Variants in AGBL1 observed in about 807,000 individuals in gnomAD.
AGBL1 encodes the protein AGBL carboxypeptidase 1, also known as cytosolic carboxypeptidase 4.
In AGBL1, 130 loss-of-function variants were observed where a neutral mutation model predicts 118.9. The ratio of observed to expected loss-of-function variants is 1.09; its 90% CI spans 0.95 to 1.26. AGBL1 has a LOEUF of 1.26. Among genes scored for constraint, AGBL1 ranks in the 50% most tolerant of loss-of-function variants. The probability of loss-of-function intolerance (pLI) is 0.00; values close to 1 mark genes in which losing one functional copy is unlikely to be tolerated. For missense variants in AGBL1, 1,584 were observed against 1,298.1 expected (o/e 1.22, Z -3.38); for synonymous variants, 555 against 478.9 (o/e 1.16, Z -2.08).
intron 21 of AGBL1, among the ~76,000 whole-genome samples, chr15:86,663,559 G>A (rs1032437568): frequency 6.6e-6 from 1 of 152,114 alleles, no homozygotes; most frequent in African/African-American, 2.4e-5. Context: ...GGTCACAACA[G>A]CAAAGGGGAG....
At chr15:87,020,136 A>G (rs761941447) in intron 24 of AGBL1, among the ~76,000 whole-genome samples, 3 of 152,142 alleles carry the variant, frequency 2.0e-5, no homozygotes, top group African/African-American at 7.2e-5. Context: ...TACCAATCAA[A>G]AAAAGCCCAG....
chr15:86,788,415 C>G (rs1262526074), intron 22 of AGBL1, among the ~76,000 whole-genome samples: 1 of 152,158 alleles, frequency 6.6e-6, no homozygotes, highest in Admixed American at 6.6e-5. Context: ...TTAAAAGACT[C>G]ATCTCTAATG....
intron 22 of AGBL1, among the ~76,000 whole-genome samples, chr15:86,754,580 G>C (rs558264989): frequency 3.1e-4 from 47 of 152,146 alleles, no homozygotes; most frequent in Admixed American, 2.8e-3. Context: ...ATCCCTGACA[G>C]AGATTCCTGC....
chr15:86,092,868 G>C (rs994855962), intron 1 of AGBL1, among the ~76,000 whole-genome samples: 2 of 151,998 alleles, frequency 1.3e-5, no homozygotes, highest in African/African-American at 4.8e-5. Flanking sequence ...TCCAATAATG[G>C]CATTAATTCC....
chr15:86,431,661 T>C (rs979421385), intron 18 of AGBL1, among the ~76,000 whole-genome samples: 2 of 152,248 alleles, frequency 1.3e-5, no homozygotes, highest in African/African-American at 4.8e-5. Flanking sequence ...ATGCAATGTC[T>C]GGTAAGCCAA....
chr15:86,708,793 G>T (rs1352402719), intron 22 of AGBL1, among the ~76,000 whole-genome samples: 1 of 151,472 alleles, frequency 6.6e-6, no homozygotes, highest in East Asian at 1.9e-4. Context: ...ATCACCCTAG[G>T]CCAGGCCCTC....
intron 21 of AGBL1, among the ~76,000 whole-genome samples, chr15:86,557,216 A>T (rs1022460695): frequency 1.4e-4 from 21 of 152,190 alleles, no homozygotes; most frequent in Non-Finnish European, 1.0e-4. Flanking sequence ...GCCCAAAGCT[A>T]TTGAGGCTGT....
At chr15:86,548,665 A>ACG (rs71863781) in intron 20 of AGBL1, among the ~76,000 whole-genome samples, 2,296 of 45,940 alleles carry the variant, frequency 0.05, 56 homozygotes, top group African/African-American at 0.11. Flanking sequence ...ACATGCACGC[A>ACG]CACACACACA....
At chr15:86,453,379 T>TTTGTGC (rs757820382) in intron 18 of AGBL1, among the ~76,000 whole-genome samples, 1 of 152,170 alleles carries the variant, frequency 6.6e-6, no homozygotes, top group Non-Finnish European at 1.5e-5. Flanking sequence ...TCAAATCCAA[T>TTTGTGC]ACAGGCACAA....
intron 9 of AGBL1, among the ~76,000 whole-genome samples, chr15:86,259,574 C>A (rs1310309287): frequency 6.6e-6 from 1 of 152,208 alleles, no homozygotes; most frequent in Non-Finnish European, 1.5e-5. Flanking sequence ...TAGTAGCAGA[C>A]ATACAGGGAC....
intron 22 of AGBL1, among the ~76,000 whole-genome samples, chr15:86,808,195 C>T (rs1017059602): frequency 2.0e-5 from 3 of 152,048 alleles, no homozygotes. Context: ...AGCTTTTAAA[C>T]TGTGGTTGAC....
chr15:86,464,683 A>G (rs1055871021), intron 18 of AGBL1, among the ~76,000 whole-genome samples: 1 of 152,126 alleles, frequency 6.6e-6, no homozygotes, highest in Admixed American at 6.5e-5. Context: ...TCTTTTTTGC[A>G]TCTATTGAGA....
intron 18 of AGBL1, among the ~76,000 whole-genome samples, chr15:86,398,377 C>G (rs999425951): frequency 6.6e-6 from 1 of 152,082 alleles, no homozygotes; most frequent in Non-Finnish European, 1.5e-5. Flanking sequence ...AAAGCCGCCC[C>G]TTGCCATGGT....
chr15:86,370,397 C>T (rs182100076), intron 17 of AGBL1, among the ~76,000 whole-genome samples: 2,673 of 151,692 alleles, frequency 0.018, 30 homozygotes, highest in Non-Finnish European at 0.027. Flanking sequence ...CTCCACCTCC[C>T]GGGTTCAAGT....
At chr15:86,283,094 A>C (rs993879917) in intron 16 of AGBL1, among the ~76,000 whole-genome samples, 8 of 152,236 alleles carry the variant, frequency 5.3e-5, no homozygotes, top group African/African-American at 1.9e-4. Flanking sequence ...AAAGAAATAT[A>C]CTATTGTAAT....
chr15:86,175,660 A>G (rs1235354922), intron 5 of AGBL1, among the ~76,000 whole-genome samples: 4 of 152,096 alleles, frequency 2.6e-5, no homozygotes, highest in African/African-American at 4.8e-5. Flanking sequence ...TCTTAGCACC[A>G]CTTTTACTGT....
intron 17 of AGBL1, among the ~76,000 whole-genome samples, chr15:86,393,946 AG>A (rs2081325869): frequency 6.6e-6 from 1 of 152,164 alleles, no homozygotes; most frequent in South Asian, 2.1e-4. Flanking sequence ...CACAGTAAAA[AG>A]AAAGTCATCT....
chr15:86,582,081 C>T (rs1313012905), intron 21 of AGBL1, among the ~76,000 whole-genome samples: 2 of 152,052 alleles, frequency 1.3e-5, no homozygotes, highest in African/African-American at 4.8e-5. Context: ...CTGGCCTTTA[C>T]CCACTAGATG....
Position 86,854,915 on chromosome 15 carries a change from C to T in AGBL1, c.3159-52172C>T, listed in dbSNP as rs1442771254. ...CCTCAACTGCCCTCGATCTCCATCA[C>T]TGCTTTTTGATGACTTCAGTGATAT... On this transcript the variant is annotated intron_variant, in intron 22 of 22. Transcript: ENST00000614907. 2.0e-5 allele frequency among the ~76,000 whole-genome samples: 3 copies of T among 152,180 alleles called. No individual in the cohort carries two copies. In the East Asian group the frequency reaches 5.8e-4, roughly 29 times the overall value.
Sources: gnomAD v4.1 joint callset for allele counts (sites outside exome capture counted in the v4.1 genomes callset) on GRCh38, gnomAD v4.1.1 for gene constraint, MANE v1.5 for transcripts, NCBI Gene and HGNC (gene_info 2026-07-23, HGNC 2026-07-21) for gene names.